Variants in TP63 observed in about 807,000 individuals in gnomAD.
TP63 encodes the protein tumor protein 63.
Under a neutral mutation model 82.8 loss-of-function variants are expected in TP63, and 17 were observed. That is an observed-to-expected ratio of 0.21 (90% CI 0.14 to 0.31). The LOEUF (loss-of-function observed/expected upper bound fraction) is 0.31. Among genes scored for constraint, TP63 ranks in the 10% least tolerant of loss-of-function variants. The pLI is 1.00. For missense variants in TP63, 648 were observed against 895.3 expected (o/e 0.72, Z 3.52); for synonymous variants, 330 against 321.7 (o/e 1.03, Z -0.28).
intron 1 of TP63, among the ~76,000 whole-genome samples, chr3:189,650,061 A>T (rs1439789329): frequency 1.4e-5 from 2 of 146,960 alleles, no homozygotes. Flanking sequence ...CATCAAGCAC[A>T]CATTTCAAAA....
chr3:189,636,510 A>T (rs923121993), intron 1 of TP63, among the ~76,000 whole-genome samples: 2 of 152,068 alleles, frequency 1.3e-5, no homozygotes, highest in African/African-American at 2.4e-5. Flanking sequence ...AGGTTCTTGG[A>T]GATTGTGATT....
chr3:189,811,501 G>GGGCA, intron 4 of TP63, among the ~76,000 whole-genome samples: 1 of 152,082 alleles, frequency 6.6e-6, no homozygotes, highest in African/African-American at 2.4e-5. Context: ...TTCTAAATTA[G>GGGCA]GGCACTTGAA....
intron 1 of TP63, among the ~76,000 whole-genome samples, chr3:189,729,027 G>A (rs1307918226): frequency 6.7e-6 from 1 of 149,020 alleles, no homozygotes; most frequent in East Asian, 1.9e-4. Context: ...GTTAATGACT[G>A]TAAATTCTCT....
At chr3:189,822,027 TG>T (rs900811634) in intron 4 of TP63, among the ~76,000 whole-genome samples, 1 of 152,248 alleles carries the variant, frequency 6.6e-6, no homozygotes, top group African/African-American at 2.4e-5. Flanking sequence ...CAGATAGACC[TG>T]GGGGGTTGAA....
chr3:189,868,469 C>A, intron 7 of TP63, 111 bp from the exon 8 acceptor site: 1 of 1,501,698 alleles, frequency 6.7e-7, no homozygotes, highest in Non-Finnish European at 9.1e-7. Context: ...CATGGCTAAG[C>A]TGGTAGTACG....
chr3:189,704,317 G>A (rs1163892273), intron 1 of TP63, among the ~76,000 whole-genome samples: 3 of 152,210 alleles, frequency 2.0e-5, no homozygotes, highest in Non-Finnish European at 4.4e-5. Flanking sequence ...TGGTAATACT[G>A]AATTAACATT....
chr3:189,716,466 C>CT (rs1325105764), intron 1 of TP63, among the ~76,000 whole-genome samples: 2 of 152,130 alleles, frequency 1.3e-5, no homozygotes, highest in African/African-American at 4.8e-5. Flanking sequence ...GATCCCTTCC[C>CT]TTTTAAAGAG....
At chr3:189,784,182 G>A (rs560128010) in intron 3 of TP63, among the ~76,000 whole-genome samples, 1 of 152,014 alleles carries the variant, frequency 6.6e-6, no homozygotes, top group Non-Finnish European at 1.5e-5. Flanking sequence ...AACAATATGA[G>A]GAGAGATTAT....
chr3:189,672,669 GAA>G (rs1560100053), intron 1 of TP63, among the ~76,000 whole-genome samples: 4 of 54,154 alleles, frequency 7.4e-5, no homozygotes, highest in African/African-American at 2.4e-4. Flanking sequence ...AGGAAAGAAG[GAA>G]GGAAGGAAGG....
chr3:189,618,129 G>A, the TP63 span, among the ~76,000 whole-genome samples: 2 of 152,202 alleles, frequency 1.3e-5, no homozygotes, highest in African/African-American at 2.4e-5. Context: ...AACCAAGTGA[G>A]GGGCCCTTCT....
chr3:189,728,432 A>G (rs1560139479), intron 1 of TP63, among the ~76,000 whole-genome samples: 1 of 152,232 alleles, frequency 6.6e-6, no homozygotes, highest in Non-Finnish European at 1.5e-5. Context: ...GAACCCAAAC[A>G]AGATATATAA....
intron 3 of TP63, among the ~76,000 whole-genome samples, chr3:189,784,689 C>T (rs1208414546): frequency 1.3e-5 from 2 of 152,036 alleles, no homozygotes; most frequent in African/African-American, 2.4e-5. Flanking sequence ...GAACTCGTCT[C>T]CCTTTCTATG....
At chr3:189,751,901 A>G (rs1010351720) in intron 3 of TP63, among the ~76,000 whole-genome samples, 4 of 152,122 alleles carry the variant, frequency 2.6e-5, no homozygotes, top group Admixed American at 1.3e-4. Context: ...TCCCATGCCT[A>G]TGTCCTCCCT....
intron 6 of TP63, 109 bp downstream of exon 6, chr3:189,866,906 A>G (rs1717799043): frequency 1.1e-6 from 1 of 872,888 alleles, no homozygotes; most frequent in African/African-American, 1.7e-5. Context: ...TCACTGTCTT[A>G]GTTCTTGTCA....
rs2108638384 is a variant in TP63 at position 189,808,467 on chromosome 3, C to T, written c.520C>T (p.Pro174Ser). 1 of 1,614,216 alleles carries T rather than the reference C, an allele frequency of 6.2e-7. No individual in the cohort carries two copies. Among genetic ancestry groups the T allele is most frequent in the Non-Finnish European group, 8.5e-7 (1 of 1,180,046 alleles). ...AIPSNTDYPG[P>S]HSFDVSFQQS... ...CCCCTCCAACACCGACTACCCAGGC[C>T]CGCACAGTTTCGACGTGTCCTTCCA... The change falls in exon 4 of 14, where the codon CCG becomes TCG. Residue 174 changes from proline (P) to serine (S), a missense_variant. Around this residue, in one of 5 missense-constraint regions of TP63, gnomAD observed 64 missense variants for 144.2 expected, o/e 0.44. Transcript: ENST00000264731.
At position 189,886,382 on chromosome 3, in the gene TP63, T is replaced by A; in HGVS notation, c.1350-12T>A. On this transcript the variant is annotated splice_polypyrimidine_tract_variant and intron_variant, in intron 10 of 13. Coordinates refer to ENST00000264731, the MANE Select transcript of TP63 (RefSeq NM_003722.5). ...CCCTTGCTCACCATTATTTCCATGTTTGTCTTCCTAGGACCTCAATACAGT... is the reference window on the plus strand; with the variant it reads ...CCCTTGCTCACCATTATTTCCATGTATGTCTTCCTAGGACCTCAATACAGT... 1 of 1,613,764 alleles carries A rather than the reference T, an allele frequency of 6.2e-7. No individual in the cohort carries two copies. Among genetic ancestry groups the A allele is most frequent in the Non-Finnish European group, 8.5e-7 (1 of 1,179,818 alleles).
chr3:189,676,352 C>G (rs1313038742), intron 1 of TP63, among the ~76,000 whole-genome samples: 1 of 152,122 alleles, frequency 6.6e-6, no homozygotes, highest in Non-Finnish European at 1.5e-5. Flanking sequence ...CACCAAGCTA[C>G]TCTCTGTTCC....
intron 3 of TP63, among the ~76,000 whole-genome samples, chr3:189,763,698 T>C (rs1722745683): frequency 6.6e-6 from 1 of 152,234 alleles, no homozygotes; most frequent in Non-Finnish European, 1.5e-5. Flanking sequence ...GGAAATAGGC[T>C]GCCAGCTTAA....
At chr3:189,804,025 A>G (rs1726603335) in intron 3 of TP63, among the ~76,000 whole-genome samples, 3 of 152,178 alleles carry the variant, frequency 2.0e-5, no homozygotes, top group Admixed American at 1.3e-4. Flanking sequence ...CCTGCTTCCT[A>G]TTTCATTTCA....
Sources: gnomAD v4.1 joint callset for allele counts (sites outside exome capture counted in the v4.1 genomes callset) on GRCh38, gnomAD v4.1.1 for gene constraint, gnomAD v4.1.1 regional missense constraint, MANE v1.5 for transcripts, NCBI Gene and HGNC (gene_info 2026-07-23, HGNC 2026-07-21) for gene names.